Variants in TENM3 observed in about 807,000 individuals in gnomAD.
TENM3 encodes the protein teneurin transmembrane protein 3.
In TENM3, 63 loss-of-function variants were observed where a neutral mutation model predicts 255.1. The ratio of observed to expected loss-of-function variants is 0.25; its 90% confidence interval spans 0.20 to 0.30. The LOEUF is 0.30. Ranked by LOEUF, TENM3 falls within the 10% of genes least tolerant of loss-of-function variation. TENM3 has a pLI of 1.00. For missense variants in TENM3, 2,929 were observed against 3,461.1 expected (o/e 0.85, Z 3.86); for synonymous variants, 1,306 against 1,322.3 (o/e 0.99, Z 0.27).
At chr4:181,688,543 A>C in the TENM3 span, among the ~76,000 whole-genome samples, 1 of 152,272 alleles carries the variant, frequency 6.6e-6, no homozygotes, top group East Asian at 1.9e-4. Context: ...TTTTGCAAGT[A>C]CGTGTCATTG....
chr4:182,663,047 T>TC (rs1253711378), intron 6 of TENM3, among the ~76,000 whole-genome samples: 4 of 152,186 alleles, frequency 2.6e-5, no homozygotes, highest in Admixed American at 2.6e-4. Flanking sequence ...ATCAGTGATG[T>TC]CCTTATATCT....
At chr4:182,418,287 G>A (rs997305515) in intron 3 of TENM3, among the ~76,000 whole-genome samples, 2 of 152,192 alleles carry the variant, frequency 1.3e-5, no homozygotes, top group African/African-American at 2.4e-5. Flanking sequence ...CAAAAAGCAA[G>A]TCAGTATAAC....
the TENM3 span, among the ~76,000 whole-genome samples, chr4:181,860,170 C>T: frequency 6.6e-6 from 1 of 152,212 alleles, no homozygotes; most frequent in African/African-American, 2.4e-5. Context: ...CAAAAGGTGA[C>T]TTTACAGAGT....
intron 3 of TENM3, among the ~76,000 whole-genome samples, chr4:182,433,750 G>A (rs1363969666): frequency 6.6e-6 from 1 of 152,172 alleles, no homozygotes; most frequent in Non-Finnish European, 1.5e-5. Flanking sequence ...GGGTTGGAGT[G>A]TGAATACAGA....
chr4:182,600,838 G>T, intron 3 of TENM3, 86 bp from the exon 4 acceptor site: 1 of 632,548 alleles, frequency 1.6e-6, no homozygotes, highest in Non-Finnish European at 2.5e-6. Flanking sequence ...ATCTGCAGTG[G>T]ATCCCCAAGA....
At chr4:182,406,503 C>T (rs1196243253) in intron 3 of TENM3, among the ~76,000 whole-genome samples, 1 of 152,092 alleles carries the variant, frequency 6.6e-6, no homozygotes, top group Non-Finnish European at 1.5e-5. Flanking sequence ...TTCCAGATCA[C>T]ATGGGGAACA....
intron 24 of TENM3, among the ~76,000 whole-genome samples, chr4:182,778,550 G>A (rs191788484): frequency 6.6e-6 from 1 of 152,138 alleles, no homozygotes; most frequent in Non-Finnish European, 1.5e-5. Flanking sequence ...TGGGGAATGA[G>A]CCTGCCCTTC....
intron 7 of TENM3, 92 bp downstream of exon 7, chr4:182,673,311 T>G: frequency 1.2e-6 from 1 of 867,212 alleles, no homozygotes; most frequent in Non-Finnish European, 1.7e-6. Context: ...TTTGGTTAAC[T>G]GTTTGACGAC....
intron 12 of TENM3, among the ~76,000 whole-genome samples, chr4:182,702,811 C>G (rs1272490727): frequency 6.6e-6 from 1 of 151,734 alleles, no homozygotes; most frequent in Non-Finnish European, 1.5e-5. Flanking sequence ...GATCTCGGCT[C>G]ACTGCAAGCT....
chr4:182,773,160 A>C (rs779707923), intron 22 of TENM3, among the ~76,000 whole-genome samples: 1 of 152,238 alleles, frequency 6.6e-6, no homozygotes, highest in Non-Finnish European at 1.5e-5. Flanking sequence ...AAGGAATTTA[A>C]TATCAGCAAA....
the TENM3 span, among the ~76,000 whole-genome samples, chr4:181,744,248 A>C: frequency 7.9e-5 from 12 of 152,078 alleles, no homozygotes; most frequent in Non-Finnish European, 1.6e-4. Context: ...GGTTGATTCT[A>C]TGTCTTTGCT....
At chr4:182,738,975 CAT>C (rs1761396094) in intron 18 of TENM3, among the ~76,000 whole-genome samples, 2 of 151,666 alleles carry the variant, frequency 1.3e-5, no homozygotes, top group African/African-American at 4.8e-5. Context: ...AAAAAAAAAT[CAT>C]GTGACTTCAC....
chr4:181,450,672 G>A, the TENM3 span, among the ~76,000 whole-genome samples: 2 of 152,160 alleles, frequency 1.3e-5, no homozygotes, highest in African/African-American at 4.8e-5. Flanking sequence ...TTCATTTCAT[G>A]TTTTGACAAC....
At chr4:182,578,323 G>A (rs999078608) in intron 3 of TENM3, among the ~76,000 whole-genome samples, 1 of 152,072 alleles carries the variant, frequency 6.6e-6, no homozygotes, top group Admixed American at 6.6e-5. Flanking sequence ...CGCCTACCCT[G>A]CCTTGTATTC....
At chr4:181,665,909 A>G in the TENM3 span, among the ~76,000 whole-genome samples, 1 of 152,112 alleles carries the variant, frequency 6.6e-6, no homozygotes, top group Non-Finnish European at 1.5e-5. Context: ...AAAGTAATTA[A>G]TATTTTAGCT....
At chr4:181,608,358 C>T in the TENM3 span, among the ~76,000 whole-genome samples, 1 of 152,174 alleles carries the variant, frequency 6.6e-6, no homozygotes, top group Non-Finnish European at 1.5e-5. Context: ...CCAAGAGGTT[C>T]CAGGAGACCA....
chr4:182,422,117 T>C (rs1019173271), intron 3 of TENM3, among the ~76,000 whole-genome samples: 2 of 152,238 alleles, frequency 1.3e-5, no homozygotes, highest in African/African-American at 4.8e-5. Flanking sequence ...GTAAATGTGT[T>C]CCTGTGTCTT....
intron 3 of TENM3, among the ~76,000 whole-genome samples, chr4:182,347,998 T>C (rs1252474892): frequency 6.6e-6 from 1 of 152,226 alleles, no homozygotes; most frequent in Non-Finnish European, 1.5e-5. Context: ...GGATCTATTG[T>C]TAGCTTTCAG....
At chr4:182,716,874 G>A (rs1759223480) in intron 13 of TENM3, among the ~76,000 whole-genome samples, 1 of 152,160 alleles carries the variant, frequency 6.6e-6, no homozygotes, top group South Asian at 2.1e-4. Flanking sequence ...CTTATCCAGA[G>A]AGTAGCTAAG....
Sources: gnomAD v4.1 joint callset for allele counts (sites outside exome capture counted in the v4.1 genomes callset) on GRCh38, gnomAD v4.1.1 for gene constraint, MANE v1.5 for transcripts, NCBI Gene and HGNC (gene_info 2026-07-23, HGNC 2026-07-21) for gene names.